P3H1: variants seen among roughly 807,000 people sequenced by gnomAD.
The protein encoded by P3H1 is prolyl 3-hydroxylase 1.
A neutral mutation model predicts 84.0 loss-of-function variants in P3H1; 69 were observed. The observed-to-expected ratio is 0.82, with a 90% CI of 0.68 to 1.00. The LOEUF (loss-of-function observed/expected upper bound fraction) is 1.00, where lower values mean the gene tolerates loss of function less well. P3H1 is among the 50% of genes least tolerant of loss of function. P3H1 has a pLI of 0.00. For synonymous variants in P3H1, 366 were observed against 388.8 expected (o/e 0.94, Z 0.69); for missense variants, 878 against 962.8 (o/e 0.91, Z 1.17).
chr1:42,759,062 A>G (rs1652558331), intron 3 of P3H1, 79 bp from the exon 4 acceptor site: 1 of 1,593,442 alleles, frequency 6.3e-7, no homozygotes, highest in African/African-American at 1.3e-5. Flanking sequence ...AACAAATTCA[A>G]ATGGAAGCAA....
chr1:42,755,686 T>G, intron 5 of P3H1, 49 bp from the exon 6 acceptor site: 1 of 1,485,122 alleles, frequency 6.7e-7, no homozygotes, highest in Non-Finnish European at 9.4e-7. Context: ...CCCTGTCTTT[T>G]AACCTCTGGG....
chr1:42,752,491 G>C, intron 9 of P3H1, 46 bp downstream of exon 9: 2 of 1,613,656 alleles, frequency 1.2e-6, no homozygotes, highest in Non-Finnish European at 1.7e-6. Flanking sequence ...TTGGTGGGGG[G>C]ATGCTGGACC....
rs762351588 is a variant in P3H1 at position 42,750,319 on chromosome 1, T to A, written c.1587A>T (p.Lys529Asn). The change falls in exon 11 of 15, where the codon AAA (lysine) becomes AAT (asparagine). Residue 529 changes from lysine (K) to asparagine (N), a missense_variant. Lys to Asn is a moderately conservative substitution (Grantham distance 94). Transcript: ENST00000296388. ...ACAGGTGGGCACTCTGCAGAGGAAC[T>A]TTGCCTTCTTGCCCCAGCTGCCAAG... ...FKALKLGQEG[K>N]VPLQSAHLYY... is the part of the protein sequence containing the mutation. 1 of 1,614,034 alleles carries A rather than the reference T, an allele frequency of 6.2e-7. No homozygotes were observed. Among genetic ancestry groups the A allele is most frequent in the African/African-American group, 1.3e-5 (1 of 75,014 alleles).
In P3H1 at chr1:42,766,626, G is replaced by A; in HGVS notation, c.346C>T (p.Arg116Cys). The change falls in exon 1 of 15, where the codon CGC becomes TGC. Residue 116 changes from arginine to cysteine, a missense_variant. By Grantham distance (180) the Arg-to-Cys change is radical. Transcript: ENST00000296388. Reference sequence around the variant, plus strand: ...AGGCAGCGGCGCAGGCAGGCAGCGCGACGCAGAAGGCCCCCGAAGAAGCTC... The same window carrying A: ...AGGCAGCGGCGCAGGCAGGCAGCGCAACGCAGAAGGCCCCCGAAGAAGCTC... Reference protein sequence around the residue: ...DLSFFGGLLRRAACLRRCLGP... With the variant: ...DLSFFGGLLRCAACLRRCLGP... 1 of 1,598,210 alleles carries A rather than the reference G, an allele frequency of 6.3e-7. No individual in the cohort carries two copies. Among genetic ancestry groups the A allele is most frequent in the Non-Finnish European group, 8.5e-7 (1 of 1,172,900 alleles).
Position 42,766,948 on chromosome 1 carries a change from C to T in P3H1, c.24G>A (p.Leu8=). 6.2e-7 allele frequency: 1 copy of T among 1,609,174 alleles called. No individual in the cohort carries two copies. The highest frequency in any genetic ancestry group is 8.5e-7 in the Non-Finnish European group (1 of 1,179,830). ...CCACGACAGCCAGCAGTGTGGTCAG[C>T]AGCTTCAACGCGCGTACCGCCATCG... MAVRALK[L]LTTLLAVVAA... Residue 8 remains leucine (L), a synonymous_variant, in exon 1 of 15, where the codon CTG becomes CTA. Coordinates refer to ENST00000296388, the MANE Select transcript of P3H1 (RefSeq NM_022356.4).
chr1:42,766,641 C>G lies in P3H1; in HGVS notation c.331G>C (p.Gly111Arg), dbSNP rs1557580485. 3 of 1,583,594 alleles carry G rather than the reference C, an allele frequency of 1.9e-6. No individual in the cohort carries two copies. Among genetic ancestry groups the G allele is most frequent in the South Asian group, 1.1e-5 (1 of 87,374 alleles). Residue 111 changes from glycine to arginine, a missense_variant, in exon 1 of 15, where the codon GGG becomes CGG. Gly to Arg is a moderately radical substitution (Grantham distance 125). Transcript: ENST00000296388. ...CAGGCAGCGCGACGCAGAAGGCCCC[C>G]GAAGAAGCTCAGGTCGCGCAGGGCG... ...AAALRDLSFF[G>R]GLLRRAACLR... is the part of the protein sequence containing the mutation.
intron 1 of P3H1, among the ~76,000 whole-genome samples, chr1:42,765,122 G>A (rs1652919705): frequency 6.6e-6 from 1 of 152,110 alleles, no homozygotes; most frequent in Admixed American, 6.5e-5. Flanking sequence ...TCCAAATCTG[G>A]CCTCACTGAC....
At chr1:42,755,519 TC>T in intron 6 of P3H1, 28 bp downstream of exon 6, 1 of 1,569,216 alleles carries the variant, frequency 6.4e-7, no homozygotes, top group Non-Finnish European at 8.8e-7. Context: ...CTTTCCCCGC[TC>T]CCTTCCGGCT....
At chr1:42,755,499 C>T in intron 6 of P3H1, 49 bp downstream of exon 6, 1 of 1,467,346 alleles carries the variant, frequency 6.8e-7, no homozygotes, top group African/African-American at 1.4e-5. Context: ...ATTCATCTCT[C>T]CTGCTCACTC....
rs1474614324 is a variant in P3H1 at position 42,750,664 on chromosome 1, G to A, written c.1570-328C>T. Reference sequence around the variant, plus strand: ...GGGAGGGAGGCCGGGGGGGGTGGTCGGCCAGCCGCCCCGTCCGGGAGGGAG... The same window carrying A: ...GGGAGGGAGGCCGGGGGGGGTGGTCAGCCAGCCGCCCCGTCCGGGAGGGAG... On this transcript the variant is annotated intron_variant, in intron 10 of 14. Transcript: ENST00000296388. Among the ~76,000 whole-genome samples, 3 of 101,338 alleles carry A rather than the reference G, an allele frequency of 3.0e-5. 1 individual carries two copies. Among genetic ancestry groups the A allele is most frequent in the African/African-American group, 9.3e-5 (2 of 21,534 alleles). The allele number at this position is 101,338 out of a possible 152,430, so 66.5% of individuals were successfully genotyped here.
chr1:42,747,382 C>G lies in P3H1; in HGVS notation c.1945G>C (p.Val649Leu), dbSNP rs775492271. Residue 649 changes from valine (V) to leucine (L), a missense_variant, in exon 14 of 15, where the codon GTG (valine) becomes CTG (leucine). Val to Leu is a conservative substitution (Grantham distance 32, BLOSUM62 1). Transcript: ENST00000296388. ...AEVQPQCGRA[V>L]GFSSGTENPH... ...TTTTCAGTGCCTGAAGAGAATCCCA[C>G]GGCTCTTCCACACTGAGGCTGCACC... 6.2e-7 allele frequency: 1 copy of G among 1,610,946 alleles called. No individual in the cohort carries two copies. The highest frequency in any genetic ancestry group is 8.5e-7 in the Non-Finnish European group (1 of 1,178,640).
chr1:42,750,980 T>C (rs1417922841), intron 10 of P3H1, among the ~76,000 whole-genome samples: 3 of 115,332 alleles, frequency 2.6e-5, no homozygotes, highest in Non-Finnish European at 5.5e-5. Context: ...AGCCGCCCCA[T>C]CCGGGAGGTG....
intron 5 of P3H1, 105 bp downstream of exon 5, chr1:42,757,678 C>G (rs959445981): frequency 1.9e-5 from 30 of 1,544,742 alleles, no homozygotes; most frequent in Non-Finnish European, 2.6e-5. Context: ...TGACATCTGG[C>G]CCCTGCCCTG....
Position 42,754,787 on chromosome 1 carries a change from T to C in P3H1, c.1345+82A>G, listed in dbSNP as rs1212924183. 1 of 1,588,890 alleles carries C rather than the reference T, an allele frequency of 6.3e-7. No homozygotes were observed. Among genetic ancestry groups the C allele is most frequent in the East Asian group, 2.2e-5 (1 of 44,622 alleles). ...CATGGTGAGCTCTGCAATGCTGGGG[T>C]GGAGCGCTGCCTGGCAAATGTGGGG... On this transcript the variant is annotated intron_variant, in intron 8 of 14. Coordinates refer to ENST00000296388, the MANE Select transcript of P3H1 (RefSeq NM_022356.4). The surrounding 1 kb of genome is among the most constrained non-coding windows in gnomAD (Gnocchi z 4.0).
At chr1:42,762,075 C>A in intron 2 of P3H1, 1 of 470,524 alleles carries the variant, frequency 2.1e-6, no homozygotes, top group Non-Finnish European at 3.9e-6. Flanking sequence ...AATGAACATT[C>A]ATTACTTCTG....
chr1:42,748,508 G>C, intron 11 of P3H1, 191 bp from the exon 12 acceptor site: 1 of 640,626 alleles, frequency 1.6e-6, no homozygotes, highest in Admixed American at 2.1e-5. Context: ...GACAGTTCTT[G>C]GCAGAAGTGA....
rs752401887 is a variant in P3H1 at position 42,747,798 on chromosome 1, G to A, written c.1839C>T (p.Ser613=). Residue 613 remains serine (S), a splice_region_variant and synonymous_variant, in exon 13 of 15, where the codon AGC becomes AGT. Transcript: ENST00000296388. ...EPPAYTFRDY[S]AILYLNGDFD... is the part of the protein sequence containing the mutation. ...AGTCCCCATTTAGGTAAAGGATGGCGCTGGGAAAGGCAGAGACATCTCATC... is the reference window on the plus strand; with the variant it reads ...AGTCCCCATTTAGGTAAAGGATGGCACTGGGAAAGGCAGAGACATCTCATC... The A allele has an allele frequency of 1.5e-5, 24 of 1,613,858 alleles. No individual in the cohort carries two copies. Among genetic ancestry groups the A allele is most frequent in the East Asian group, 4.5e-5 (2 of 44,894 alleles).
At chr1:42,764,822 A>T (rs1652907614) in intron 1 of P3H1, among the ~76,000 whole-genome samples, 2 of 151,870 alleles carry the variant, frequency 1.3e-5, no homozygotes, top group African/African-American at 2.4e-5. Context: ...AAAATTAGAA[A>T]TTTTTTCAGG....
At chr1:42,766,401 TC>T in intron 1 of P3H1, 105 bp downstream of exon 1, 1 of 1,054,980 alleles carries the variant, frequency 9.5e-7, no homozygotes, top group Non-Finnish European at 1.4e-6. Context: ...GAGGCCACTT[TC>T]CCCTCCCTGC....
Sources: allele counts gnomAD v4.1 joint callset (sites outside exome capture counted in the v4.1 genomes callset), GRCh38; gene constraint gnomAD v4.1.1; non-coding constraint Gnocchi (gnomAD v3.1); transcripts MANE v1.5; gene names NCBI Gene and HGNC (gene_info 2026-07-23, HGNC 2026-07-21).